PLCXD3: variants seen among roughly 807,000 people sequenced by gnomAD.
The protein encoded by PLCXD3 is PI-PLC X domain-containing protein 3.
A neutral mutation model predicts 25.5 loss-of-function variants in PLCXD3; 19 were observed. The ratio of observed to expected loss-of-function variants is 0.75; its 90% confidence interval spans 0.52 to 1.09. The LOEUF (loss-of-function observed/expected upper bound fraction) is 1.09, where lower values mean the gene tolerates loss of function less well. Ranked by LOEUF, PLCXD3 falls within the 50% of genes least tolerant of loss-of-function variation. The probability of loss-of-function intolerance (pLI) is 0.00; values close to 1 mark genes in which losing one functional copy is unlikely to be tolerated. For synonymous variants in PLCXD3, 174 were observed against 137.6 expected, an observed-to-expected ratio of 1.26 and a Z score of -1.85; for missense variants, 411 against 388.1, an observed-to-expected ratio of 1.06 and a Z score of -0.50.
Position 41,377,306 on chromosome 5 carries a change from TAAC to T in PLCXD3, c.812+4517_812+4519del, listed in dbSNP as rs892287071. On this transcript the variant is annotated intron_variant, in intron 2 of 2. Coordinates refer to ENST00000377801, the MANE Select transcript of PLCXD3 (RefSeq NM_001005473.3). ...CTAACAGATAGTGAACCCCTAATAA[TAAC>T]AGTTATTATTATTATTATTGTTATA... Among the ~76,000 whole-genome samples the T allele has an allele frequency of 2.4e-4, 37 of 151,798 alleles. 1 individual carries two copies. The highest frequency in any genetic ancestry group is 7.2e-4 in the African/African-American group (30 of 41,406).
At chr5:41,475,706 G>A (rs200041516) in intron 1 of PLCXD3, 26 of 534,602 alleles carry the variant, frequency 4.9e-5, no homozygotes, top group Middle Eastern at 3.2e-4. Flanking sequence ...CCATCACTAC[G>A]ACAGTTACTA....
At chr5:41,464,279 A>G (rs371399273) in intron 1 of PLCXD3, among the ~76,000 whole-genome samples, 1 of 152,042 alleles carries the variant, frequency 6.6e-6, no homozygotes, top group African/African-American at 2.4e-5. Context: ...CTACTTAGTT[A>G]AGCTCTTCAA....
Position 41,375,889 on chromosome 5 carries a change from G to A in PLCXD3, c.812+5937C>T, listed in dbSNP as rs562839524. ...AATCCTAGCTTATTAATTAAGGAAT[G>A]ACTTTAATATGGGATTTTAAAGTAA... On this transcript the variant is annotated intron_variant, in intron 2 of 2. Transcript: ENST00000377801. 1.2e-4 allele frequency among the ~76,000 whole-genome samples: 18 copies of A among 152,238 alleles called. No homozygotes were observed. The South Asian group carries it at 2.7e-3, about 23-fold the overall frequency.
At chr5:41,395,187 C>A (rs1323996305) in intron 1 of PLCXD3, among the ~76,000 whole-genome samples, 2 of 151,992 alleles carry the variant, frequency 1.3e-5, no homozygotes, top group Non-Finnish European at 2.9e-5. Context: ...GGAAACTATA[C>A]AAATACACAG....
chr5:41,355,229 C>T (rs1213612248), intron 2 of PLCXD3, among the ~76,000 whole-genome samples: 2 of 152,062 alleles, frequency 1.3e-5, no homozygotes, highest in East Asian at 1.9e-4. Flanking sequence ...AGAAAATACC[C>T]GTGGAGTTTT....
chr5:41,425,959 G>T (rs1050989739), intron 1 of PLCXD3, among the ~76,000 whole-genome samples: 8 of 152,270 alleles, frequency 5.3e-5, no homozygotes, highest in Admixed American at 5.2e-4. Flanking sequence ...CAATATCTTT[G>T]GGTAAATGCC....
At chr5:41,468,036 T>G (rs1580387732) in intron 1 of PLCXD3, among the ~76,000 whole-genome samples, 1 of 78,012 alleles carries the variant, frequency 1.3e-5, no homozygotes, top group East Asian at 3.5e-4. Flanking sequence ...TTTTTTTTTT[T>G]TTGACAGAGT....
rs543846021 is a variant in PLCXD3, at chr5:41,448,771, G to A, written c.103+61653C>T. On this transcript the variant is annotated intron_variant, in intron 1 of 2. Coordinates refer to ENST00000377801, the MANE Select transcript of PLCXD3 (RefSeq NM_001005473.3). Reference sequence around the variant, plus strand: ...CAGTATAGTTAATGAATGGATGAGTGAAATAAATGAATGCTATTACTGTGT... The same window carrying A: ...CAGTATAGTTAATGAATGGATGAGTAAAATAAATGAATGCTATTACTGTGT... 3.3e-5 allele frequency among the ~76,000 whole-genome samples: 5 copies of A among 152,256 alleles called. No individual in the cohort carries two copies. In the South Asian group the frequency reaches 1.0e-3, roughly 32 times the overall value.
intron 1 of PLCXD3, among the ~76,000 whole-genome samples, chr5:41,434,326 G>T (rs1747185009): frequency 6.6e-6 from 1 of 152,178 alleles, no homozygotes; most frequent in South Asian, 2.1e-4. Context: ...ACTAGGTGCT[G>T]GGGATGTGAT....
At chr5:41,456,949 A>G (rs1366331649) in intron 1 of PLCXD3, among the ~76,000 whole-genome samples, 3 of 151,938 alleles carry the variant, frequency 2.0e-5, no homozygotes, top group Non-Finnish European at 4.4e-5. Flanking sequence ...CCATTAAGAA[A>G]GATCATTTCC....
intron 1 of PLCXD3, among the ~76,000 whole-genome samples, chr5:41,510,099 G>T (rs1050813768): frequency 5.9e-5 from 9 of 152,212 alleles, no homozygotes; most frequent in African/African-American, 1.9e-4. Flanking sequence ...CCCCAAATCT[G>T]CAGGAGAAAC....
intron 1 of PLCXD3, among the ~76,000 whole-genome samples, chr5:41,434,316 AC>A (rs1460594954): frequency 6.6e-6 from 1 of 152,236 alleles, no homozygotes; most frequent in Non-Finnish European, 1.5e-5. Flanking sequence ...TAGATACTGT[AC>A]TAGGTGCTGG....
At chr5:41,507,113 T>G (rs546454401) in intron 1 of PLCXD3, among the ~76,000 whole-genome samples, 1 of 152,208 alleles carries the variant, frequency 6.6e-6, no homozygotes, top group Non-Finnish European at 1.5e-5. Context: ...TTACAATAGT[T>G]CTGGAGCCAC....
At position 41,412,926 on chromosome 5, in the gene PLCXD3, G is replaced by C. The variant is rs318033; in HGVS notation, c.104-30392C>G. On this transcript the variant is annotated intron_variant, in intron 1 of 2. Transcript: ENST00000377801. ...CTTCTGGTAGGAATTGTTTAGACTG[G>C]ATTTAAATTGTGGTCAAATTTGCAT... 2.1e-3 allele frequency among the ~76,000 whole-genome samples: 326 copies of C among 152,190 alleles called. 1 individual carries two copies. The highest frequency in any genetic ancestry group is 7.4e-3 in the African/African-American group (309 of 41,526).
In PLCXD3 at chr5:41,310,839, T is replaced by C. The variant is rs957998323; in HGVS notation, c.*2778A>G. ...GCACTGTATGTCCACATGGAAACCA[T>C]AGCATTGGCTTGAAACTGCCTTTTG... is the stretch of plus-strand genomic sequence containing the variant. On this transcript the variant is annotated 3_prime_UTR_variant, in exon 3 of 3. Transcript: ENST00000377801. The C allele has an allele frequency of 2.0e-5, 3 of 152,640 alleles. No individual in the cohort carries two copies. Among genetic ancestry groups the C allele is most frequent in the African/African-American group, 7.2e-5 (3 of 41,456 alleles). The allele number at this position is 152,640 out of a possible 1,614,324, so 9.5% of individuals were successfully genotyped here.
chr5:41,411,276 T>C (rs1289168519), intron 1 of PLCXD3, among the ~76,000 whole-genome samples: 2 of 152,212 alleles, frequency 1.3e-5, no homozygotes, highest in Non-Finnish European at 2.9e-5. Context: ...AACACAACAT[T>C]ACCCTTAATC....
intron 2 of PLCXD3, among the ~76,000 whole-genome samples, chr5:41,356,126 C>A (rs1378996785): frequency 1.3e-5 from 2 of 152,038 alleles, no homozygotes; most frequent in African/African-American, 4.8e-5. Context: ...ATTAGCCAGG[C>A]GTGGTGGCAG....
chr5:41,340,785 T>G (rs1744118120), intron 2 of PLCXD3, among the ~76,000 whole-genome samples: 1 of 152,148 alleles, frequency 6.6e-6, no homozygotes, highest in Non-Finnish European at 1.5e-5. Context: ...CCTAAAGAAT[T>G]TTGTTGCTAA....
At chr5:41,491,357 T>C (rs1748665549) in intron 1 of PLCXD3, among the ~76,000 whole-genome samples, 2 of 152,320 alleles carry the variant, frequency 1.3e-5, no homozygotes, top group African/African-American at 2.4e-5. Context: ...CTTCCAACTA[T>C]ATGGTCAATT....
Sources: allele counts gnomAD v4.1 joint callset (sites outside exome capture counted in the v4.1 genomes callset), GRCh38; gene constraint gnomAD v4.1.1; transcripts MANE v1.5; gene names NCBI Gene and HGNC (gene_info 2026-07-23, HGNC 2026-07-21).